TMC1: variants seen among roughly 807,000 people sequenced by gnomAD.
The protein encoded by TMC1 is transmembrane channel like 1.
In TMC1, 84 loss-of-function variants were observed where a neutral mutation model predicts 105.8. The ratio of observed to expected loss-of-function variants is 0.79; its 90% CI spans 0.67 to 0.95. The LOEUF is 0.95. Ranked by LOEUF, TMC1 falls within the 40% of genes least tolerant of loss-of-function variation. The pLI is 0.00. For missense variants in TMC1, 817 were observed against 914.1 expected, an observed-to-expected ratio of 0.89 and a Z score of 1.37; for synonymous variants, 315 against 311.5, an observed-to-expected ratio of 1.01 and a Z score of -0.12.
chr9:72,759,515 G>T (rs1425540868), intron 12 of TMC1, among the ~76,000 whole-genome samples: 3 of 152,132 alleles, frequency 2.0e-5, no homozygotes, highest in Non-Finnish European at 4.4e-5. Flanking sequence ...CTAATTTACA[G>T]ATGGAGAGAC....
intron 8 of TMC1, among the ~76,000 whole-genome samples, chr9:72,735,156 G>A (rs369747363): frequency 6.6e-6 from 1 of 152,168 alleles, no homozygotes; most frequent in East Asian, 1.9e-4. Flanking sequence ...TGGGGTTACA[G>A]CTCAGAGAGC....
At chr9:72,770,056 A>G (rs538425425) in intron 12 of TMC1, among the ~76,000 whole-genome samples, 1 of 152,224 alleles carries the variant, frequency 6.6e-6, no homozygotes, top group Non-Finnish European at 1.5e-5. Flanking sequence ...TGCACCTGGG[A>G]GCTGGGAGAT....
intron 1 of TMC1, among the ~76,000 whole-genome samples, chr9:72,533,244 T>C (rs968157708): frequency 2.6e-5 from 4 of 152,152 alleles, no homozygotes; most frequent in African/African-American, 9.7e-5. Flanking sequence ...CACCTTATAA[T>C]GCATAAAGTG....
intron 1 of TMC1, among the ~76,000 whole-genome samples, chr9:72,559,450 G>C (rs1030726890): frequency 6.6e-6 from 1 of 151,270 alleles, no homozygotes; most frequent in African/African-American, 2.5e-5. Flanking sequence ...GGCCCCCACC[G>C]ATGCCCATAA....
chr9:72,749,921 A>G (rs1377393621), intron 10 of TMC1, among the ~76,000 whole-genome samples: 1 of 152,078 alleles, frequency 6.6e-6, no homozygotes, highest in African/African-American at 2.4e-5. Context: ...AGCCTGGCCA[A>G]CATGGTGAAA....
chr9:72,698,062 TATAG>T (rs1366105279), intron 7 of TMC1, among the ~76,000 whole-genome samples: 2 of 151,808 alleles, frequency 1.3e-5, no homozygotes, highest in Non-Finnish European at 2.9e-5. Flanking sequence ...AAATTGTGGA[TATAG>T]ATAGAGTAAA....
intron 13 of TMC1, among the ~76,000 whole-genome samples, chr9:72,781,223 G>T (rs1429292352): frequency 3.3e-5 from 5 of 152,104 alleles, no homozygotes; most frequent in Non-Finnish European, 7.4e-5. Flanking sequence ...TGACTTTTGG[G>T]TAAACAATGA....
At chr9:72,771,891 G>A (rs1243109471) in intron 12 of TMC1, among the ~76,000 whole-genome samples, 1 of 152,170 alleles carries the variant, frequency 6.6e-6, no homozygotes, top group Non-Finnish European at 1.5e-5. Flanking sequence ...TGATGAATGG[G>A]AAGTGTGCAG....
At chr9:72,821,641 C>T (rs942653293) in intron 20 of TMC1, among the ~76,000 whole-genome samples, 1 of 152,212 alleles carries the variant, frequency 6.6e-6, no homozygotes, top group Non-Finnish European at 1.5e-5. Flanking sequence ...TTTCCAGGCT[C>T]TGCCTGGGTA....
At chr9:72,562,663 T>C (rs1162174511) in intron 1 of TMC1, among the ~76,000 whole-genome samples, 1 of 152,164 alleles carries the variant, frequency 6.6e-6, no homozygotes, top group East Asian at 1.9e-4. Flanking sequence ...CATACATATA[T>C]ACAATTATTA....
At chr9:72,643,707 C>T (rs1825664195) in intron 4 of TMC1, among the ~76,000 whole-genome samples, 2 of 152,118 alleles carry the variant, frequency 1.3e-5, no homozygotes, top group South Asian at 4.1e-4. Context: ...ATGGACATTG[C>T]ATTATTTCCA....
chr9:72,722,783 A>G (rs1827049992), intron 8 of TMC1, among the ~76,000 whole-genome samples: 1 of 152,180 alleles, frequency 6.6e-6, no homozygotes, highest in African/African-American at 2.4e-5. Context: ...AAGGACAGAA[A>G]TGTGCTGGTA....
intron 17 of TMC1, among the ~76,000 whole-genome samples, chr9:72,797,638 A>C (rs1355098624): frequency 6.6e-6 from 1 of 152,230 alleles, no homozygotes; most frequent in African/African-American, 2.4e-5. Context: ...CTATTTAATA[A>C]ATGTTACTGG....
Position 72,707,570 on chromosome 9 carries a change from G to T in TMC1, c.362+6927G>T, listed in dbSNP as rs565405294. Among the ~76,000 whole-genome samples, 23 of 152,092 alleles carry T rather than the reference G, an allele frequency of 1.5e-4. No homozygotes were observed. In the South Asian group the frequency reaches 4.8e-3, roughly 32 times the overall value. ...GTTTGTATATCTTCTTTTGAAAATT[G>T]TCTATTCATGACCTTAGCCCACTTT... On this transcript the variant is annotated intron_variant, in intron 8 of 23. Transcript: ENST00000297784.
At chr9:72,788,282 G>C (rs983467061) in intron 13 of TMC1, 57 bp from the exon 14 acceptor site, 21 of 1,600,008 alleles carry the variant, frequency 1.3e-5, no homozygotes, top group Non-Finnish European at 1.7e-5. Context: ...ATGTTTTGTT[G>C]CTATTTCCCC....
Position 72,811,420 on chromosome 9 carries a change from G to T in TMC1, c.1696-4723G>T, listed in dbSNP as rs77309805. Among the ~76,000 whole-genome samples the T allele has an allele frequency of 7.4e-4, 112 of 152,286 alleles. 1 individual carries two copies. Among genetic ancestry groups the T allele is most frequent in the East Asian group, 6.4e-3 (33 of 5,190 alleles). ...GAGCACAGTTCTCAGTGTTTCAGAAGAGTTCATGAGGAGTAGAATAGTTTG... is the reference window on the plus strand; with the variant it reads ...GAGCACAGTTCTCAGTGTTTCAGAATAGTTCATGAGGAGTAGAATAGTTTG... On this transcript the variant is annotated intron_variant, in intron 18 of 23. Transcript: ENST00000297784.
intron 2 of TMC1, among the ~76,000 whole-genome samples, chr9:72,599,853 G>A (rs956816905): frequency 6.6e-6 from 1 of 152,008 alleles, no homozygotes; most frequent in African/African-American, 2.4e-5. Context: ...AAAAGAAAAT[G>A]CACTTTTTGC....
chr9:72,755,106 A>AAG (rs1172072755), intron 12 of TMC1, among the ~76,000 whole-genome samples: 80 of 148,382 alleles, frequency 5.4e-4, no homozygotes, highest in African/African-American at 2.0e-3. Context: ...GAAAGAAAGA[A>AAG]AGAAAGAGAA....
intron 8 of TMC1, among the ~76,000 whole-genome samples, chr9:72,722,202 G>A (rs1827038134): frequency 6.6e-6 from 1 of 152,110 alleles, no homozygotes; most frequent in Admixed American, 6.5e-5. Flanking sequence ...ATAGAGGTAA[G>A]GTCACCTTAC....
Sources: allele counts gnomAD v4.1 joint callset (sites outside exome capture counted in the v4.1 genomes callset), GRCh38; gene constraint gnomAD v4.1.1; transcripts MANE v1.5; gene names NCBI Gene and HGNC (gene_info 2026-07-23, HGNC 2026-07-21).